ABCC6: variants seen among roughly 807,000 people sequenced by gnomAD.
ABCC6 encodes the protein ATP binding cassette subfamily C member 6, also known as ATP-binding cassette sub-family C member 6.
ABCC6 carries 126 observed loss-of-function variants against 169.5 expected under a neutral mutation model. The observed-to-expected ratio is 0.74, with a 90% CI of 0.64 to 0.86. ABCC6 has a LOEUF of 0.86. Among genes scored for constraint, ABCC6 ranks in the 40% least tolerant of loss-of-function variants. ABCC6 has a pLI of 0.00. For missense variants in ABCC6, 1,733 were observed against 1,927.2 expected (o/e 0.90, Z 1.89); for synonymous variants, 752 against 814.7 (o/e 0.92, Z 1.31).
In ABCC6 at chr16:16,182,526, C is replaced by T; in HGVS notation, c.2133G>A (p.Val711=). 6.2e-7 allele frequency: 1 copy of T among 1,614,200 alleles called. No individual in the cohort carries two copies. The highest frequency in any genetic ancestry group is 8.5e-7 in the Non-Finnish European group (1 of 1,180,040). Residue 711 remains valine (V), a synonymous_variant, in exon 17 of 31, where the codon GTG becomes GTA. Transcript: ENST00000205557. ...GTGGGTCCAGCTCCTGCCCGAAGCA[C>T]ACATTCTCTACCACAGAGGTGTTCT... ...WVQNTSVVEN[V]CFGQELDPPW...
intron 10 of ABCC6, 86 bp downstream of exon 10, chr16:16,197,935 G>T: frequency 7.0e-7 from 1 of 1,434,034 alleles, no homozygotes. Context: ...AAGTCAGGAG[G>T]AGGAAGGGTG....
intron 25 of ABCC6, 135 bp from the exon 26 acceptor site, chr16:16,159,718 T>C (rs1474208148): frequency 1.5e-5 from 11 of 755,804 alleles, no homozygotes; most frequent in Non-Finnish European, 2.5e-5. Flanking sequence ...TGGGACAGTC[T>C]GAGGACCTGG....
intron 22 of ABCC6, 115 bp downstream of exon 22, chr16:16,169,531 T>G: frequency 7.9e-7 from 1 of 1,266,612 alleles, no homozygotes; most frequent in Non-Finnish European, 1.1e-6. Flanking sequence ...CCCCAGACGT[T>G]TTGCACACTG....
At chr16:16,194,591 T>C (rs2152274506) in intron 10 of ABCC6, among the ~76,000 whole-genome samples, 1 of 152,298 alleles carries the variant, frequency 6.6e-6, no homozygotes, top group East Asian at 1.9e-4. Context: ...CTGCACAGGT[T>C]ATTTGGACCC....
intron 7 of ABCC6, among the ~76,000 whole-genome samples, chr16:16,208,501 G>A (rs1189344446): frequency 6.6e-6 from 1 of 152,058 alleles, no homozygotes; most frequent in Non-Finnish European, 1.5e-5. Context: ...AGCCTCCTGA[G>A]TAGCTGGGAT....
At chr16:16,160,500 T>G (rs747434361) in intron 25 of ABCC6, among the ~76,000 whole-genome samples, 5 of 151,548 alleles carry the variant, frequency 3.3e-5, no homozygotes, top group Non-Finnish European at 7.4e-5. Flanking sequence ...AGACCTTGTC[T>G]CAAAACAAAA....
chr16:16,161,037 A>G (rs2046700191), intron 25 of ABCC6, among the ~76,000 whole-genome samples: 1 of 152,126 alleles, frequency 6.6e-6, no homozygotes, highest in African/African-American at 2.4e-5. Flanking sequence ...CCCAGGAGGC[A>G]GAGTTCTCAG....
chr16:16,197,508 G>C (rs1446731479), intron 10 of ABCC6, among the ~76,000 whole-genome samples: 2 of 151,104 alleles, frequency 1.3e-5, no homozygotes, highest in African/African-American at 4.9e-5. Flanking sequence ...GGAAGAGAGG[G>C]AGGACGGTAG....
Position 16,198,051 on chromosome 16 carries a change from C to T in ABCC6, c.1308G>A (p.Trp436Ter). Residue 436 changes from tryptophan to a stop codon, truncating the protein, a stop_gained, in exon 10 of 31, where the codon TGG becomes TGA. Transcript: ENST00000205557. LOFTEE classifies it high-confidence loss of function. Reference protein sequence around the residue: ...YLNGLWLPLVWIVVCFVYLWQ... With the variant: ...YLNGLWLPLV ...AGAGATAGACGAAGCAGACCACGAT[C>T]CAGACGAGAGGCAGCCACAGCCCGT... is the stretch of plus-strand genomic sequence containing the variant. 2.5e-6 allele frequency: 4 copies of T among 1,614,180 alleles called. No individual in the cohort carries two copies. The highest frequency in any genetic ancestry group is 2.5e-6 in the Non-Finnish European group (3 of 1,180,028).
At position 16,190,174 on chromosome 16, in the gene ABCC6, G is replaced by A. The variant is rs780671208; in HGVS notation, c.1625C>T (p.Ser542Phe). The change falls in exon 12 of 31, where the codon TCT (serine) becomes TTT (phenylalanine). Residue 542 changes from serine (S) to phenylalanine (F), a missense_variant. Physicochemically the swap from Ser to Phe is radical, Grantham distance 155. This residue lies in a region of ABCC6 where 1,601 missense variants were observed against 1,635.5 expected (regional missense o/e 0.98). Coordinates refer to ENST00000205557, the MANE Select transcript of ABCC6 (RefSeq NM_001171.6). ...CTAGAGTGACGTCACCAGAAATGTA[G>A]ACACTTGGAAGGACACCAGCGACAC... Reference protein sequence around the residue: ...FSVSLVSFQVSTFLVALVVFA... With the variant: ...FSVSLVSFQVFTFLVALVVFA... 9 of 1,613,682 alleles carry A rather than the reference G, an allele frequency of 5.6e-6. No individual in the cohort carries two copies. Among genetic ancestry groups the A allele is most frequent in the Non-Finnish European group, 6.8e-6 (8 of 1,179,990 alleles).
In ABCC6 at chr16:16,184,994, G is replaced by A. The variant is rs767365625; in HGVS notation, c.1908C>T (p.Phe636=). Residue 636 remains phenylalanine (F), a synonymous_variant, in exon 15 of 31, where the codon TTC becomes TTT. Coordinates refer to ENST00000205557, the MANE Select transcript of ABCC6 (RefSeq NM_001171.6). ...AGGGAGGGCTTTCCTGGGACCAGGCGAAGGTGGCACTGTGTATGGTGATGC... is the reference window on the plus strand; with the variant it reads ...AGGGAGGGCTTTCCTGGGACCAGGCAAAGGTGGCACTGTGTATGGTGATGC... ...KDCITIHSAT[F]AWSQESPPCL... is the part of the protein sequence containing the mutation. The A allele has an allele frequency of 1.5e-4, 250 of 1,613,740 alleles. No homozygotes were observed. Among genetic ancestry groups the A allele is most frequent in the Non-Finnish European group, 2.1e-4 (246 of 1,179,750 alleles).
chr16:16,167,313 G>C (rs11644687), intron 22 of ABCC6, among the ~76,000 whole-genome samples: 109,010 of 152,180 alleles, frequency 0.72, 42,042 homozygotes, highest in South Asian at 0.9. Context: ...CTGCCAGGGG[G>C]AGCAGCTAAG....
intron 21 of ABCC6, 80 bp downstream of exon 21, chr16:16,173,204 G>T: frequency 1.9e-6 from 3 of 1,597,796 alleles, no homozygotes; most frequent in Non-Finnish European, 2.6e-6. Context: ...TCACTGCCAA[G>T]TGCTACATTT....
At chr16:16,178,094 G>A (rs1306274471) in intron 18 of ABCC6, among the ~76,000 whole-genome samples, 1 of 151,740 alleles carries the variant, frequency 6.6e-6, no homozygotes, top group Non-Finnish European at 1.5e-5. Flanking sequence ...GGGAGGCCGA[G>A]GCAGATGGAT....
intron 20 of ABCC6, 60 bp downstream of exon 20, chr16:16,175,851 C>A (rs2047261665): frequency 1.3e-6 from 2 of 1,594,340 alleles, no homozygotes; most frequent in African/African-American, 2.7e-5. Context: ...GCGGGTGGTC[C>A]CTTCAGCTAC....
chr16:16,221,168 G>A (rs1444471249), intron 2 of ABCC6: 1 of 544,058 alleles, frequency 1.8e-6, no homozygotes, highest in Non-Finnish European at 2.4e-6. Flanking sequence ...AGTAGAAGAG[G>A]ATGGATGAGC....
intron 6 of ABCC6, among the ~76,000 whole-genome samples, chr16:16,209,645 C>G (rs1199673113): frequency 6.6e-6 from 1 of 151,548 alleles, no homozygotes; most frequent in Non-Finnish European, 1.5e-5. Context: ...ACTCTGTTGC[C>G]TAGGCTGGAG....
At chr16:16,161,655 T>G (rs1184738990) in intron 24 of ABCC6, 91 bp from the exon 25 acceptor site, 31 of 1,563,892 alleles carry the variant, frequency 2.0e-5, no homozygotes, top group Non-Finnish European at 2.5e-5. Flanking sequence ...CACACCAGCT[T>G]TGTACACACA....
Position 16,163,024 on chromosome 16 carries a change from T to C in ABCC6, c.3475A>G (p.Arg1159Gly), listed in dbSNP as rs772050759. ...QNNARVDESQRISFPRLVADR... is the reference protein window; with the variant it reads ...QNNARVDESQGISFPRLVADR... ...GCCACCAGTCGCGGGAAACTGATCC[T>C]CTGGCTTTCATCTACGCGAGCATTG... is the stretch of plus-strand genomic sequence containing the variant. The change falls in exon 24 of 31, where the codon AGG becomes GGG. Residue 1159 changes from arginine to glycine, a missense_variant. Arg to Gly is a moderately radical substitution (Grantham distance 125). This residue lies in a region of ABCC6 where 1,601 missense variants were observed against 1,635.5 expected (regional missense o/e 0.98). Coordinates refer to ENST00000205557, the MANE Select transcript of ABCC6 (RefSeq NM_001171.6). 4 of 1,614,116 alleles carry C rather than the reference T, an allele frequency of 2.5e-6. No individual in the cohort carries two copies. The highest frequency in any genetic ancestry group is 3.4e-6 in the Non-Finnish European group (4 of 1,180,038).
Sources: gnomAD v4.1 joint callset for allele counts (sites outside exome capture counted in the v4.1 genomes callset) on GRCh38, gnomAD v4.1.1 for gene constraint, gnomAD v4.1.1 regional missense constraint, MANE v1.5 for transcripts, NCBI Gene and HGNC (gene_info 2026-07-23, HGNC 2026-07-21) for gene names.